The following TBL1X variants were observed in gnomAD, a reference collection of about 807,000 sequenced individuals.
TBL1X encodes transducin beta like 1 X-linked, also known as F-box-like/WD repeat-containing protein TBL1X.
TBL1X carries 10 observed loss-of-function variants against 50.7 expected under a neutral mutation model. The ratio of observed to expected loss-of-function variants is 0.20; its 90% CI spans 0.12 to 0.33. TBL1X has a LOEUF of 0.33. Among genes scored for constraint, TBL1X ranks in the 10% least tolerant of loss-of-function variants. TBL1X has a pLI of 1.00. For missense variants in TBL1X, 340 were observed against 504.4 expected (o/e 0.67, Z 3.12); for synonymous variants, 190 against 214.7 (o/e 0.88, Z 1.01).
intron 2 of TBL1X, among the ~76,000 whole-genome samples, chrX:9,534,591 G>A (rs1421855313): frequency 1.8e-5 from 2 of 110,953 alleles, no homozygotes; most frequent in African/African-American, 6.6e-5. Flanking sequence ...ACAGTGTTGA[G>A]TATTTTCCTT....
At chrX:9,634,442 T>C (rs1446743827) in intron 2 of TBL1X, among the ~76,000 whole-genome samples, 1 of 111,639 alleles carries the variant, frequency 9.0e-6, no homozygotes, top group Non-Finnish European at 1.9e-5. Flanking sequence ...AATTATTAAT[T>C]AGATTATTTA....
At chrX:9,556,976 C>G (rs1263112355) in intron 2 of TBL1X, among the ~76,000 whole-genome samples, 1 of 111,041 alleles carries the variant, frequency 9.0e-6, no homozygotes, top group Non-Finnish European at 1.9e-5. Context: ...TCTGTTAAAA[C>G]CACTCTTATG....
At chrX:9,550,503 C>T (rs1288835375) in intron 2 of TBL1X, among the ~76,000 whole-genome samples, 1 of 112,016 alleles carries the variant, frequency 8.9e-6, no homozygotes, top group Non-Finnish European at 1.9e-5. Context: ...CGAAAGAAAG[C>T]AACTTTGATT....
At chrX:9,583,478 G>T (rs887741748) in intron 2 of TBL1X, among the ~76,000 whole-genome samples, 1 of 112,058 alleles carries the variant, frequency 8.9e-6, no homozygotes, top group African/African-American at 3.2e-5. Context: ...GGGGAATACA[G>T]ATTATCTTTG....
At chrX:9,523,960 CTTTTT>C (rs63038662) in intron 2 of TBL1X, among the ~76,000 whole-genome samples, 6 of 40,787 alleles carry the variant, frequency 1.5e-4, no homozygotes, top group African/African-American at 5.8e-4. Flanking sequence ...TCATTTTAAC[CTTTTT>C]TTTTTTTTTT....
chrX:9,703,618 A>G lies in TBL1X; in HGVS notation c.1115-1375A>G, dbSNP rs72612810. On this transcript the variant is annotated intron_variant, in intron 12 of 17. Transcript: ENST00000645353. Reference sequence around the variant, plus strand: ...AGGACAGGAGTGAGCAGTTGAAGCCATGCTTCCCCAGAAGCAGAAGAGGAT... The same window carrying G: ...AGGACAGGAGTGAGCAGTTGAAGCCGTGCTTCCCCAGAAGCAGAAGAGGAT... Among the ~76,000 whole-genome samples the G allele has an allele frequency of 6.3e-4, 70 of 111,697 alleles. No individual in the cohort carries two copies. In the East Asian group the frequency reaches 0.019, roughly 30 times the overall value.
At chrX:9,537,297 C>A (rs1423726447) in intron 2 of TBL1X, among the ~76,000 whole-genome samples, 1 of 110,098 alleles carries the variant, frequency 9.1e-6, no homozygotes, top group Non-Finnish European at 1.9e-5. Context: ...TCTACTGCCC[C>A]CCGCCCCCCA....
At chrX:9,590,134 G>GA (rs764616510) in intron 2 of TBL1X, among the ~76,000 whole-genome samples, 41 of 112,255 alleles carry the variant, frequency 3.7e-4, no homozygotes, top group Non-Finnish European at 5.6e-5. Context: ...CTGACTATAG[G>GA]AATGTGGGCT....
chrX:9,683,185 A>T lies in TBL1X; in HGVS notation c.212-858A>T, dbSNP rs1371586951. On this transcript the variant is annotated intron_variant, in intron 5 of 17. Transcript: ENST00000645353. ...GAAGGGCTGTCGCAGCTTCCTCATC[A>T]CCCCCAGACCTCCACATAGATGCCC... Among the ~76,000 whole-genome samples, 3 of 110,684 alleles carry T rather than the reference A, an allele frequency of 2.7e-5. No individual in the cohort carries two copies. In the East Asian group the frequency reaches 8.6e-4, roughly 32 times the overall value.
At chrX:9,683,608 G>C in intron 5 of TBL1X, among the ~76,000 whole-genome samples, 1 of 111,404 alleles carries the variant, frequency 9.0e-6, no homozygotes, top group East Asian at 2.8e-4. Context: ...GAAGAAAGGT[G>C]CCCTGTGTGC....
intron 2 of TBL1X, among the ~76,000 whole-genome samples, chrX:9,613,379 TTCA>T (rs2082623282): frequency 9.0e-5 from 10 of 111,522 alleles, no homozygotes. Flanking sequence ...CCCTTACCAT[TTCA>T]TTTCCTTTTA....
chrX:9,488,485 G>A (rs1233494653), intron 1 of TBL1X, among the ~76,000 whole-genome samples: 1 of 111,895 alleles, frequency 8.9e-6, no homozygotes, highest in African/African-American at 3.2e-5. Flanking sequence ...GGGAAAGGCT[G>A]TCCACTTTTC....
intron 1 of TBL1X, among the ~76,000 whole-genome samples, chrX:9,492,937 T>C (rs2081954892): frequency 9.5e-6 from 1 of 105,203 alleles, no homozygotes; most frequent in Non-Finnish European, 1.9e-5. Context: ...CATTTGGGAA[T>C]GTGCTGGAAG....
chrX:9,591,936 G>A (rs141764035), intron 2 of TBL1X, among the ~76,000 whole-genome samples: 295 of 112,378 alleles, frequency 2.6e-3, no homozygotes, highest in Middle Eastern at 9.3e-3. Flanking sequence ...AATGAAAGCC[G>A]TTTGGTCACC....
chrX:9,486,139 T>C (rs974407964), intron 1 of TBL1X, among the ~76,000 whole-genome samples: 17 of 111,292 alleles, frequency 1.5e-4, no homozygotes, highest in African/African-American at 5.5e-4. Flanking sequence ...TACAATCTAT[T>C]TTCTCTGAAG....
chrX:9,595,904 A>T (rs1181811256), intron 2 of TBL1X, among the ~76,000 whole-genome samples: 2 of 112,313 alleles, frequency 1.8e-5, no homozygotes, highest in Non-Finnish European at 3.8e-5. Context: ...TAAGTGTTGG[A>T]GATATCTTCC....
intron 2 of TBL1X, among the ~76,000 whole-genome samples, chrX:9,617,623 T>G (rs1179190843): frequency 8.9e-6 from 1 of 111,737 alleles, no homozygotes; most frequent in African/African-American, 3.3e-5. Flanking sequence ...GAGGGTTATT[T>G]GTGGAGGGGA....
chrX:9,695,807 C>T (rs1270680287), intron 11 of TBL1X, among the ~76,000 whole-genome samples: 2 of 112,221 alleles, frequency 1.8e-5, no homozygotes, highest in African/African-American at 6.5e-5. Context: ...TGTTTGTTTC[C>T]TGGCCTCCTT....
intron 2 of TBL1X, among the ~76,000 whole-genome samples, chrX:9,533,532 A>G (rs1043514439): frequency 1.8e-5 from 2 of 111,760 alleles, no homozygotes; most frequent in Admixed American, 9.6e-5. Context: ...ACCCTCCATG[A>G]AAGAGAAACT....
Sources: allele counts gnomAD v4.1 joint callset (sites outside exome capture counted in the v4.1 genomes callset), GRCh38; gene constraint gnomAD v4.1.1; transcripts MANE v1.5; gene names NCBI Gene and HGNC (gene_info 2026-07-23, HGNC 2026-07-21).